The following TENM3 variants were observed in gnomAD, a reference collection of about 807,000 sequenced individuals.
The protein encoded by TENM3 is teneurin transmembrane protein 3.
TENM3 carries 63 observed loss-of-function variants against 255.1 expected under a neutral mutation model. The observed-to-expected ratio is 0.25, with a 90% CI of 0.20 to 0.30. The LOEUF (loss-of-function observed/expected upper bound fraction) is 0.30. Among genes scored for constraint, TENM3 ranks in the 10% least tolerant of loss-of-function variants. The probability of loss-of-function intolerance (pLI) is 1.00; values close to 1 mark genes in which losing one functional copy is unlikely to be tolerated. For synonymous variants in TENM3, 1,306 were observed against 1,322.3 expected (o/e 0.99, Z 0.27); for missense variants, 2,929 against 3,461.1 (o/e 0.85, Z 3.86).
At chr4:181,926,604 T>G in the TENM3 span, among the ~76,000 whole-genome samples, 1 of 152,150 alleles carries the variant, frequency 6.6e-6, no homozygotes, top group Non-Finnish European at 1.5e-5. Flanking sequence ...TCCTGGTCCT[T>G]GAAGCTGTTG....
At chr4:181,803,012 C>T in the TENM3 span, among the ~76,000 whole-genome samples, 242 of 152,268 alleles carry the variant, frequency 1.6e-3, 1 homozygote, top group African/African-American at 5.5e-3. Flanking sequence ...TATTTTATAA[C>T]ATTAGAGCAC....
At chr4:182,747,399 A>G (rs1561194116) in intron 19 of TENM3, among the ~76,000 whole-genome samples, 1 of 152,228 alleles carries the variant, frequency 6.6e-6, no homozygotes, top group African/African-American at 2.4e-5. Context: ...ATTCTTAGCT[A>G]TACTTTAGTG....
chr4:181,915,872 T>C, the TENM3 span, among the ~76,000 whole-genome samples: 1 of 152,172 alleles, frequency 6.6e-6, no homozygotes, highest in Non-Finnish European at 1.5e-5. Flanking sequence ...TAAGATATTA[T>C]TAAGATCCGT....
At chr4:181,554,375 AACTC>A in the TENM3 span, among the ~76,000 whole-genome samples, 1 of 152,196 alleles carries the variant, frequency 6.6e-6, no homozygotes, top group Non-Finnish European at 1.5e-5. Context: ...TCCTGCTTGT[AACTC>A]ACTCAGTTAG....
Position 182,754,251 on chromosome 4 carries a change from G to T in TENM3, c.4018-134G>T. On this transcript the variant is annotated intron_variant, in intron 21 of 27. Coordinates refer to ENST00000511685, the MANE Select transcript of TENM3 (RefSeq NM_001080477.4). This position sits in a 1 kb window ranked among gnomAD's most constrained non-coding sequence, Gnocchi z 5.1. ...TTACTTTTTGGTTTATTTTACTGAGGCTATTGAAAAAACTATTATCAGACA... is the reference window on the plus strand; with the variant it reads ...TTACTTTTTGGTTTATTTTACTGAGTCTATTGAAAAAACTATTATCAGACA... The T allele has an allele frequency of 1.2e-6, 1 of 862,596 alleles. No homozygotes were observed. The highest frequency in any genetic ancestry group is 3.1e-5 in the Admixed American group (1 of 32,570). The allele number at this position is 862,596 out of a possible 1,614,324, so 53.4% of individuals were successfully genotyped here. A position where few individuals can be genotyped will look rare whatever the true frequency, so the allele number is the denominator to read the frequency against.
the TENM3 span, among the ~76,000 whole-genome samples, chr4:182,102,415 T>G: frequency 6.6e-6 from 1 of 152,144 alleles, no homozygotes; most frequent in Non-Finnish European, 1.5e-5. Context: ...ATTGATCCAT[T>G]AAGTGATCAA....
chr4:182,349,268 CA>C (rs1182792441), intron 3 of TENM3, among the ~76,000 whole-genome samples: 1 of 152,074 alleles, frequency 6.6e-6, no homozygotes, highest in African/African-American at 2.4e-5. Flanking sequence ...CAAATGAGAG[CA>C]GTTTAAAGAA....
At chr4:181,851,176 C>G in the TENM3 span, among the ~76,000 whole-genome samples, 1 of 152,158 alleles carries the variant, frequency 6.6e-6, no homozygotes, top group African/African-American at 2.4e-5. Flanking sequence ...GGCCAGTTTC[C>G]TCTGAGAGAA....
the TENM3 span, among the ~76,000 whole-genome samples, chr4:181,763,336 A>G: frequency 2.6e-5 from 4 of 152,180 alleles, no homozygotes; most frequent in Non-Finnish European, 5.9e-5. Context: ...TGTCTTCAGT[A>G]CAATTAGCGT....
At chr4:182,375,611 G>A (rs1767130559) in intron 3 of TENM3, among the ~76,000 whole-genome samples, 1 of 151,872 alleles carries the variant, frequency 6.6e-6, no homozygotes, top group Non-Finnish European at 1.5e-5. Context: ...GCGCAGTCTC[G>A]GCTCACTGCA....
chr4:181,557,350 G>A, the TENM3 span, among the ~76,000 whole-genome samples: 3 of 152,060 alleles, frequency 2.0e-5, no homozygotes, highest in African/African-American at 4.8e-5. Flanking sequence ...TTGCAGTTGC[G>A]TTATATATGC....
chr4:181,663,737 A>C, the TENM3 span, among the ~76,000 whole-genome samples: 10 of 152,172 alleles, frequency 6.6e-5, no homozygotes, highest in East Asian at 7.7e-4. Context: ...GGAAAGAAAC[A>C]TACAAGAATG....
intron 6 of TENM3, among the ~76,000 whole-genome samples, chr4:182,661,824 G>A (rs757847401): frequency 3.3e-5 from 5 of 152,096 alleles, no homozygotes; most frequent in Admixed American, 6.5e-5. Flanking sequence ...TTTACCTTCC[G>A]CAACAATTGC....
chr4:181,686,042 C>G, the TENM3 span, among the ~76,000 whole-genome samples: 1 of 152,146 alleles, frequency 6.6e-6, no homozygotes, highest in African/African-American at 2.4e-5. Flanking sequence ...CAAATCGGAT[C>G]AGTATGCATA....
chr4:181,643,024 T>G, the TENM3 span, among the ~76,000 whole-genome samples: 1 of 152,192 alleles, frequency 6.6e-6, no homozygotes, highest in Non-Finnish European at 1.5e-5. Context: ...TAAACTAATT[T>G]TTTCCAGTTC....
intron 1 of TENM3, among the ~76,000 whole-genome samples, chr4:182,271,746 C>T (rs1383795604): frequency 2.0e-5 from 3 of 152,142 alleles, no homozygotes; most frequent in African/African-American, 4.8e-5. Context: ...TTGACTAAAG[C>T]GTTATTATCC....
At chr4:182,396,226 C>G (rs1462694752) in intron 3 of TENM3, among the ~76,000 whole-genome samples, 2 of 152,166 alleles carry the variant, frequency 1.3e-5, no homozygotes, top group Non-Finnish European at 2.9e-5. Flanking sequence ...TGGCTTCCTT[C>G]CAGGCTGCCC....
At chr4:182,600,155 A>G (rs1397539538) in intron 3 of TENM3, among the ~76,000 whole-genome samples, 3 of 152,228 alleles carry the variant, frequency 2.0e-5, no homozygotes, top group African/African-American at 7.2e-5. Flanking sequence ...GCATGAGCCT[A>G]TCTGGTCACC....
the TENM3 span, among the ~76,000 whole-genome samples, chr4:181,910,766 T>G: frequency 6.6e-6 from 1 of 151,746 alleles, no homozygotes; most frequent in Non-Finnish European, 1.5e-5. Flanking sequence ...TGTGAGCCAC[T>G]GTGCCTGGCC....
Sources: gnomAD v4.1 joint callset for allele counts (sites outside exome capture counted in the v4.1 genomes callset) on GRCh38, gnomAD v4.1.1 for gene constraint, Gnocchi (gnomAD v3.1) non-coding constraint, MANE v1.5 for transcripts, NCBI Gene and HGNC (gene_info 2026-07-23, HGNC 2026-07-21) for gene names.